The following NFXL1 variants were observed in gnomAD, a reference collection of about 807,000 sequenced individuals.
NFXL1 encodes the protein nuclear transcription factor, X-box binding like 1.
In NFXL1, 66 loss-of-function variants were observed where a neutral mutation model predicts 123.3. The ratio of observed to expected loss-of-function variants is 0.54; its 90% CI spans 0.44 to 0.66. The LOEUF (loss-of-function observed/expected upper bound fraction) is 0.66, where lower values mean the gene tolerates loss of function less well. NFXL1 is among the 30% of genes least tolerant of loss of function. NFXL1 has a pLI of 0.00. For synonymous variants in NFXL1, 346 were observed against 360.8 expected (o/e 0.96, Z 0.46); for missense variants, 944 against 1,125.6 (o/e 0.84, Z 2.31).
chr4:47,853,631 A>G (rs1734245640), intron 20 of NFXL1, among the ~76,000 whole-genome samples: 1 of 152,084 alleles, frequency 6.6e-6, no homozygotes, highest in South Asian at 2.1e-4. Flanking sequence ...GGAAAAACAT[A>G]TTGTATTTTA....
At chr4:47,891,457 G>A (rs1389191248) in intron 11 of NFXL1, among the ~76,000 whole-genome samples, 2 of 152,144 alleles carry the variant, frequency 1.3e-5, no homozygotes, top group Non-Finnish European at 2.9e-5. Flanking sequence ...GATTAAAGAA[G>A]AGAAGCAGAG....
Position 47,875,259 on chromosome 4 carries a change from C to A in NFXL1, c.2114G>T (p.Cys705Phe), listed in dbSNP as rs755733759. 1 of 1,612,726 alleles carries A rather than the reference C, an allele frequency of 6.2e-7. No homozygotes were observed. The highest frequency in any genetic ancestry group is 8.5e-7 in the Non-Finnish European group (1 of 1,179,186). Residue 705 changes from cysteine (C) to phenylalanine (F), a missense_variant, in exon 18 of 23, where the codon TGC (cysteine) becomes TTC (phenylalanine). Cys to Phe is a radical substitution (Grantham distance 205). Coordinates refer to ENST00000507489, the MANE Select transcript of NFXL1 (RefSeq NM_001278624.2). ...ACAACCTAGTGGCCGTGACTTGGAGCACCCTTCCTCACAATGAAGGCATTC... is the reference window on the plus strand; with the variant it reads ...ACAACCTAGTGGCCGTGACTTGGAGAACCCTTCCTCACAATGAAGGCATTC... ...GPECLHCEEGCSKSRPLGCLH... is the reference protein window; with the variant it reads ...GPECLHCEEGFSKSRPLGCLH...
At chr4:47,861,639 AG>A in intron 19 of NFXL1, among the ~76,000 whole-genome samples, 1 of 152,352 alleles carries the variant, frequency 6.6e-6, no homozygotes, top group African/African-American at 2.4e-5. Context: ...TATTTTAACA[AG>A]GGAAGTTCAG....
chr4:47,887,940 T>C (rs1392631345), intron 12 of NFXL1, among the ~76,000 whole-genome samples: 1 of 151,878 alleles, frequency 6.6e-6, no homozygotes, highest in Admixed American at 6.6e-5. Flanking sequence ...ATTCGGGTAG[T>C]TCTAAAACTA....
chr4:47,874,522 G>A (rs950901032), intron 18 of NFXL1, among the ~76,000 whole-genome samples: 3 of 152,194 alleles, frequency 2.0e-5, no homozygotes, highest in Admixed American at 6.5e-5. Flanking sequence ...TCTCACAGAA[G>A]TGCAGTTCAT....
rs1738011658 is a variant in NFXL1, at chr4:47,914,436, A to C, written c.-74T>G. 1 of 470,430 alleles carries C rather than the reference A, an allele frequency of 2.1e-6. No homozygotes were observed. The highest frequency in any genetic ancestry group is 2.0e-5 in the African/African-American group (1 of 50,808). 29.1% of individuals were successfully genotyped at this position (470,430 alleles called of 1,614,324 possible). A position where few individuals can be genotyped will look rare whatever the true frequency, so the allele number is the denominator to read the frequency against. ...GAGGGGAGGGAGGACTAGGTACAGA[A>C]ATAAACCGCGGAGCAAGAAGCACAC... On this transcript the variant is annotated 5_prime_UTR_variant, in exon 1 of 23. It adds an upstream start codon to the 5' untranslated region. Coordinates refer to ENST00000507489, the MANE Select transcript of NFXL1 (RefSeq NM_001278624.2).
At chr4:47,913,554 C>G (rs1235326220) in intron 2 of NFXL1, among the ~76,000 whole-genome samples, 1 of 152,178 alleles carries the variant, frequency 6.6e-6, no homozygotes, top group Admixed American at 6.5e-5. Context: ...TGACTGTTGC[C>G]ATGCACAAAG....
At chr4:47,879,532 A>G (rs1297171758) in intron 15 of NFXL1, among the ~76,000 whole-genome samples, 1 of 152,184 alleles carries the variant, frequency 6.6e-6, no homozygotes, top group Non-Finnish European at 1.5e-5. Flanking sequence ...CATGATTCCA[A>G]TCAAAATCCC....
chr4:47,903,265 G>A lies in NFXL1; in HGVS notation c.575C>T (p.Ala192Val). Reference sequence around the variant, plus strand: ...AGATACAAGAAACTGGCTGTCTTTAGCCCACTTCTGGATACAGGGCATGTG... The same window carrying A: ...AGATACAAGAAACTGGCTGTCTTTAACCCACTTCTGGATACAGGGCATGTG... The part of the protein sequence containing the change: ...IFHMPCIQKW[A>V]KDSQFLVSSV... Residue 192 changes from alanine (A) to valine (V), a missense_variant, in exon 5 of 23, where the codon GCT (alanine) becomes GTT (valine). Around this residue, in one of 4 missense-constraint regions of NFXL1, gnomAD observed 303 missense variants for 292.1 expected, o/e 1.04. Coordinates refer to ENST00000507489, the MANE Select transcript of NFXL1 (RefSeq NM_001278624.2). The A allele has an allele frequency of 6.3e-7, 1 of 1,598,868 alleles. No homozygotes were observed. The highest frequency in any genetic ancestry group is 8.5e-7 in the Non-Finnish European group (1 of 1,171,570).
chr4:47,855,039 C>G lies in NFXL1; in HGVS notation c.2421+20G>C, dbSNP rs771773113. ...AACAACTTATATAGAAAAGTATTTTCAATAACTTAAAATATTTACCTTTTT... is the reference window on the plus strand; with the variant it reads ...AACAACTTATATAGAAAAGTATTTTGAATAACTTAAAATATTTACCTTTTT... On this transcript the variant is annotated intron_variant, in intron 20 of 22. Transcript: ENST00000507489. 2 of 1,069,646 alleles carry G rather than the reference C, an allele frequency of 1.9e-6. No individual in the cohort carries two copies. The highest frequency in any genetic ancestry group is 3.2e-5 in the South Asian group (2 of 61,774). 66.3% of individuals were successfully genotyped at this position (1,069,646 alleles called of 1,614,324 possible). A position where few individuals can be genotyped will look rare whatever the true frequency, so the allele number is the denominator to read the frequency against.
At chr4:47,894,128 A>G in intron 11 of NFXL1, 52 bp downstream of exon 11, 3 of 1,452,070 alleles carry the variant, frequency 2.1e-6, no homozygotes, top group African/African-American at 1.4e-5. Context: ...CCCAAAATGG[A>G]GAAATTCAAT....
At chr4:47,870,239 T>TACAA (rs1735350510) in intron 18 of NFXL1, among the ~76,000 whole-genome samples, 2 of 152,170 alleles carry the variant, frequency 1.3e-5, no homozygotes, top group African/African-American at 2.4e-5. Flanking sequence ...AATACAAAAT[T>TACAA]TAAAAATTAT....
At chr4:47,904,744 T>C (rs1737490217) in intron 4 of NFXL1, among the ~76,000 whole-genome samples, 1 of 152,220 alleles carries the variant, frequency 6.6e-6, no homozygotes, top group Non-Finnish European at 1.5e-5. Flanking sequence ...TCTTTATCAC[T>C]ACGCCATATC....
intron 19 of NFXL1, among the ~76,000 whole-genome samples, chr4:47,858,797 C>G (rs1385942382): frequency 2.0e-5 from 3 of 152,132 alleles, no homozygotes; most frequent in Non-Finnish European, 2.9e-5. Flanking sequence ...GCCAGCATTA[C>G]TTGATTTTTT....
chr4:47,879,047 T>A, intron 16 of NFXL1, 49 bp downstream of exon 16: 1 of 1,107,448 alleles, frequency 9.0e-7, no homozygotes. Flanking sequence ...TACTAGTATG[T>A]AACAGTATAG....
chr4:47,855,294 T>G (rs543130723), intron 19 of NFXL1, 131 bp from the exon 20 acceptor site: 1 of 380,708 alleles, frequency 2.6e-6, no homozygotes, highest in Non-Finnish European at 4.9e-6. Context: ...TGGGATAATT[T>G]GTAAACTATT....
Position 47,899,126 on chromosome 4 carries a change from A to G in NFXL1, c.827-6T>C. 2.0e-6 allele frequency: 3 copies of G among 1,483,362 alleles called. No individual in the cohort carries two copies. The highest frequency in any genetic ancestry group is 2.5e-5 in the South Asian group (2 of 79,548). 91.9% of individuals were successfully genotyped at this position (1,483,362 alleles called of 1,614,324 possible). On this transcript the variant is annotated splice_polypyrimidine_tract_variant and splice_region_variant and intron_variant, in intron 6 of 22. Transcript: ENST00000507489. ...TGGACAAGGAGGGCAGGGACCTAGA[A>G]TTCAGTAAAAGCAAAAAAAAAAAAA...
At chr4:47,849,990 G>A (rs144628242) in intron 22 of NFXL1, among the ~76,000 whole-genome samples, 15 of 149,762 alleles carry the variant, frequency 1.0e-4, no homozygotes, top group Non-Finnish European at 1.5e-4. Context: ...ACAAATTTTC[G>A]ATCTGTGGTT....
intron 20 of NFXL1, among the ~76,000 whole-genome samples, chr4:47,853,237 T>C (rs528432686): frequency 1.3e-5 from 2 of 152,250 alleles, no homozygotes; most frequent in South Asian, 4.1e-4. Context: ...AGTATAATCA[T>C]CTGTTAAGTG....
Sources: allele counts gnomAD v4.1 joint callset (sites outside exome capture counted in the v4.1 genomes callset), GRCh38; gene constraint gnomAD v4.1.1; regional missense constraint gnomAD v4.1.1; transcripts MANE v1.5; gene names NCBI Gene and HGNC (gene_info 2026-07-23, HGNC 2026-07-21).